Variants in SCFD2 observed in about 807,000 individuals in gnomAD.
The protein encoded by SCFD2 is sec1 family domain-containing protein 2.
Under a neutral mutation model 58.9 loss-of-function variants are expected in SCFD2, and 54 were observed. That is an observed-to-expected ratio of 0.92 (90% CI 0.74 to 1.15). The LOEUF is 1.15. Ranked by LOEUF, SCFD2 falls within the 50% of genes most tolerant of loss-of-function variation. SCFD2 has a pLI of 0.00. For missense variants in SCFD2, 805 were observed against 836.6 expected, an observed-to-expected ratio of 0.96 and a Z score of 0.47; for synonymous variants, 321 against 335.9, an observed-to-expected ratio of 0.96 and a Z score of 0.49.
chr4:52,977,646 T>A (rs1266340431), intron 5 of SCFD2, among the ~76,000 whole-genome samples: 1 of 152,188 alleles, frequency 6.6e-6, no homozygotes, highest in Non-Finnish European at 1.5e-5. Flanking sequence ...CAGACAGTAT[T>A]CAGGAACAAA....
At chr4:53,271,154 A>G (rs1731149895) in intron 4 of SCFD2, among the ~76,000 whole-genome samples, 1 of 152,128 alleles carries the variant, frequency 6.6e-6, no homozygotes, top group South Asian at 2.1e-4. Flanking sequence ...AAGGCAGCTC[A>G]CCGACATCCT....
intron 2 of SCFD2, among the ~76,000 whole-genome samples, chr4:53,315,233 G>A (rs1162731331): frequency 4.2e-5 from 6 of 143,972 alleles, no homozygotes; most frequent in Admixed American, 2.1e-4. Flanking sequence ...ACTCAATCTG[G>A]GAAGGAAAAT....
chr4:53,301,749 C>T (rs1732308684), intron 3 of SCFD2, among the ~76,000 whole-genome samples: 2 of 152,130 alleles, frequency 1.3e-5, no homozygotes, highest in Admixed American at 1.3e-4. Flanking sequence ...AAAGCTTATC[C>T]ACCATGATCA....
At chr4:52,933,134 C>T (rs1720039822) in intron 5 of SCFD2, among the ~76,000 whole-genome samples, 1 of 152,140 alleles carries the variant, frequency 6.6e-6, no homozygotes, top group Non-Finnish European at 1.5e-5. Context: ...CTCACTTAGG[C>T]TCAAAGCACA....
chr4:53,270,756 TG>T (rs1367364820), intron 4 of SCFD2, among the ~76,000 whole-genome samples: 1 of 152,210 alleles, frequency 6.6e-6, no homozygotes, highest in Non-Finnish European at 1.5e-5. Flanking sequence ...GAATTCATAA[TG>T]GCATTAAAAT....
At chr4:53,096,967 A>G (rs1724657022) in intron 5 of SCFD2, among the ~76,000 whole-genome samples, 1 of 152,218 alleles carries the variant, frequency 6.6e-6, no homozygotes, top group South Asian at 2.1e-4. Flanking sequence ...TTTATTAAAT[A>G]GGGAATCCTT....
At chr4:53,222,170 C>A (rs1729066072) in intron 4 of SCFD2, among the ~76,000 whole-genome samples, 1 of 152,144 alleles carries the variant, frequency 6.6e-6, no homozygotes, top group Non-Finnish European at 1.5e-5. Context: ...CTTTGTTTTT[C>A]TAACACAAGA....
chr4:52,923,362 G>A (rs1261406646), intron 5 of SCFD2, among the ~76,000 whole-genome samples: 3 of 151,930 alleles, frequency 2.0e-5, no homozygotes, highest in South Asian at 2.1e-4. Context: ...CGTATAATCC[G>A]AGCTACTTGG....
intron 2 of SCFD2, among the ~76,000 whole-genome samples, chr4:53,326,513 T>G (rs149063774): frequency 6.6e-6 from 1 of 151,816 alleles, no homozygotes; most frequent in Non-Finnish European, 1.5e-5. Flanking sequence ...AAAAAAAAAA[T>G]CTACAAAAAG....
chr4:53,340,838 C>G (rs1202494306), intron 2 of SCFD2, among the ~76,000 whole-genome samples: 1 of 152,172 alleles, frequency 6.6e-6, no homozygotes, highest in Admixed American at 6.5e-5. Context: ...CTGCTGATAC[C>G]CAGGCAAACA....
chr4:53,185,947 CA>C (rs1029540240), intron 4 of SCFD2, among the ~76,000 whole-genome samples: 1 of 152,020 alleles, frequency 6.6e-6, no homozygotes, highest in Non-Finnish European at 1.5e-5. Flanking sequence ...ACTACTAACA[CA>C]AAAAAATCAA....
intron 5 of SCFD2, among the ~76,000 whole-genome samples, chr4:52,941,901 T>C (rs979957448): frequency 6.6e-6 from 1 of 152,210 alleles, no homozygotes; most frequent in East Asian, 1.9e-4. Flanking sequence ...TGGTTGAGCA[T>C]CCTTAATCTG....
intron 4 of SCFD2, among the ~76,000 whole-genome samples, chr4:53,148,333 C>A (rs1203891321): frequency 1.3e-5 from 2 of 152,084 alleles, no homozygotes; most frequent in Admixed American, 6.5e-5. Context: ...CTAGTGATAC[C>A]CTATCAGTAT....
At chr4:53,008,515 C>T (rs1199687640) in intron 5 of SCFD2, among the ~76,000 whole-genome samples, 2 of 152,182 alleles carry the variant, frequency 1.3e-5, no homozygotes, top group Admixed American at 6.5e-5. Flanking sequence ...CTCTCCCTAA[C>T]GTCCAATAAA....
intron 4 of SCFD2, among the ~76,000 whole-genome samples, chr4:53,185,934 G>T (rs975151332): frequency 1.3e-5 from 2 of 152,060 alleles, no homozygotes; most frequent in African/African-American, 4.8e-5. Flanking sequence ...GTACAATTCA[G>T]CAACTACTAA....
chr4:52,972,009 G>A (rs551816024), intron 5 of SCFD2, among the ~76,000 whole-genome samples: 3 of 152,280 alleles, frequency 2.0e-5, no homozygotes, highest in African/African-American at 4.8e-5. Context: ...AAGAGCTCCT[G>A]AAGGAAGCAC....
intron 5 of SCFD2, among the ~76,000 whole-genome samples, chr4:53,101,302 C>T (rs2148875566): frequency 6.6e-6 from 1 of 152,228 alleles, no homozygotes; most frequent in Admixed American, 6.5e-5. Context: ...TGGTCCTGTT[C>T]CTCTCTTTGA....
At chr4:53,142,388 T>A (rs1726195514) in intron 5 of SCFD2, among the ~76,000 whole-genome samples, 1 of 152,328 alleles carries the variant, frequency 6.6e-6, no homozygotes, top group East Asian at 1.9e-4. Flanking sequence ...ATAATTCTTT[T>A]TAACCAAATT....
At chr4:53,228,388 C>A (rs1729299815) in intron 4 of SCFD2, among the ~76,000 whole-genome samples, 1 of 152,144 alleles carries the variant, frequency 6.6e-6, no homozygotes, top group African/African-American at 2.4e-5. Flanking sequence ...AGTCATCCTT[C>A]TTCTACGACT....
Sources: gnomAD v4.1 joint callset for allele counts (sites outside exome capture counted in the v4.1 genomes callset) on GRCh38, gnomAD v4.1.1 for gene constraint, MANE v1.5 for transcripts, NCBI Gene and HGNC (gene_info 2026-07-23, HGNC 2026-07-21) for gene names.